The following PTPN21 variants were observed in gnomAD, a reference collection of about 807,000 sequenced individuals.
The protein encoded by PTPN21 is protein tyrosine phosphatase non-receptor type 21.
In PTPN21, 77 loss-of-function variants were observed where a neutral mutation model predicts 131.8. That is an observed-to-expected ratio of 0.58 (90% CI 0.49 to 0.71). The LOEUF (loss-of-function observed/expected upper bound fraction) is 0.71. PTPN21 is among the 30% of genes least tolerant of loss of function. The pLI, the probability that PTPN21 is intolerant of heterozygous loss-of-function variation, is 0.00. For synonymous variants in PTPN21, 715 were observed against 621.3 expected, an observed-to-expected ratio of 1.15 and a Z score of -2.24; for missense variants, 1,552 against 1,527.1, an observed-to-expected ratio of 1.02 and a Z score of -0.27.
chr14:88,480,392 A>T (rs1444058466), intron 12 of PTPN21, 40 bp from the exon 13 acceptor site: 15 of 1,463,832 alleles, frequency 1.0e-5, no homozygotes, highest in Non-Finnish European at 7.5e-6. Context: ...TTTTAAATGG[A>T]CTAATTACTC....
rs762189635 is a variant in PTPN21 at position 88,479,304 on chromosome 14, G to C, written c.2127C>G (p.His709Gln). 1.4e-5 allele frequency: 23 copies of C among 1,613,334 alleles called. No individual in the cohort carries two copies. The highest frequency in any genetic ancestry group is 1.9e-5 in the Non-Finnish European group (22 of 1,179,614). ...KSLSDATMLI[H>Q]SSEEEEDEDF... The stretch of plus-strand genomic sequence containing the variant: ...CCTCGTCCTCCTCCTCCTCGCTGCT[G>C]TGGATTAGCATGGTGGCGTCCGACA... The change falls in exon 13 of 19, where the codon CAC (histidine) becomes CAG (glutamine). Residue 709 changes from histidine to glutamine, a missense_variant. Physicochemically the swap from His to Gln is conservative, Grantham distance 24. Coordinates refer to ENST00000556564, the MANE Select transcript of PTPN21 (RefSeq NM_007039.4).
intron 10 of PTPN21, among the ~76,000 whole-genome samples, chr14:88,489,348 A>G (rs542291494): frequency 6.6e-6 from 1 of 152,338 alleles, no homozygotes; most frequent in South Asian, 2.1e-4. Flanking sequence ...AAGCTCATGC[A>G]CTAATAGATA....
Position 88,479,428 on chromosome 14 carries a change from G to A in PTPN21, c.2003C>T (p.Ala668Val). ...GCTGGGCTGGGAGCCCACCGAGACG[G>A]CTCGCGGCGCCACCTCTGCCGCCGA... ...SASAAEVAPRAVSVGSQPSVF... is the reference protein window; with the variant it reads ...SASAAEVAPRVVSVGSQPSVF... Residue 668 changes from alanine to valine, a missense_variant, in exon 13 of 19, where the codon GCC (alanine) becomes GTC (valine). Coordinates refer to ENST00000556564, the MANE Select transcript of PTPN21 (RefSeq NM_007039.4). The A allele has an allele frequency of 6.2e-7, 1 of 1,602,002 alleles. No individual in the cohort carries two copies. Among genetic ancestry groups the A allele is most frequent in the Non-Finnish European group, 8.5e-7 (1 of 1,178,440 alleles).
intron 2 of PTPN21, among the ~76,000 whole-genome samples, chr14:88,518,386 G>GTGTGTGTATATATATATATATA (rs1259300832): frequency 1.0e-4 from 1 of 9,706 alleles, no homozygotes; most frequent in Non-Finnish European, 2.2e-4. Context: ...GTGTGTGTGT[G>GTGTGTGTATATATATATATATA]TATATATATA....
chr14:88,554,903 G>A lies in PTPN21; in HGVS notation c.-455C>T, dbSNP rs3742681. Among the ~76,000 whole-genome samples the A allele has an allele frequency of 0.53, 81,007 of 151,498 alleles. 24,380 individuals are homozygous for A. Among genetic ancestry groups the A allele is most frequent in the Middle Eastern group, 0.7 (205 of 292 alleles). ...GTGGGACCGGCCGGCGAGGAGCGCC[G>A]CACAAAGAAGCCCCGTGGGGGCGGG... On this transcript the variant is annotated 5_prime_UTR_variant, in exon 1 of 19. Transcript: ENST00000556564.
In PTPN21 at chr14:88,506,100, T is replaced by C. The variant is rs144536649; in HGVS notation, c.449-729A>G. ...CACACCTATAATCCCAGCACTTCAG[T>C]AAGCCAAGGAGGGAGGATAGCTTGA... On this transcript the variant is annotated intron_variant, in intron 4 of 18. Transcript: ENST00000556564. Among the ~76,000 whole-genome samples, 259 of 152,202 alleles carry C rather than the reference T, an allele frequency of 1.7e-3. 1 individual carries two copies. The highest frequency in any genetic ancestry group is 5.7e-3 in the African/African-American group (237 of 41,540).
In PTPN21 at chr14:88,479,630, G is replaced by A; in HGVS notation, c.1801C>T (p.His601Tyr). Residue 601 changes from histidine (H) to tyrosine (Y), a missense_variant, in exon 13 of 19, where the codon CAC (histidine) becomes TAC (tyrosine). This residue lies in a region of PTPN21 where 1,016 missense variants were observed against 883.5 expected (regional missense o/e 1.15). Transcript: ENST00000556564. ...NPDLITRRVH[H>Y]SVQTFQEDSL... The stretch of plus-strand genomic sequence containing the variant: ...TCCTCCTGGAACGTTTGCACCGAGT[G>A]GTGCACGCGCCGCGTGATGAGGTCG... The A allele has an allele frequency of 6.4e-7, 1 of 1,571,958 alleles. No homozygotes were observed. Among genetic ancestry groups the A allele is most frequent in the Non-Finnish European group, 8.6e-7 (1 of 1,163,870 alleles).
chr14:88,526,885 T>G (rs1036339746), intron 2 of PTPN21, among the ~76,000 whole-genome samples: 1 of 152,170 alleles, frequency 6.6e-6, no homozygotes, highest in Non-Finnish European at 1.5e-5. Flanking sequence ...AGCTCCCACT[T>G]ACAAATGAGA....
At chr14:88,544,253 G>A (rs980171146) in intron 2 of PTPN21, among the ~76,000 whole-genome samples, 1 of 152,128 alleles carries the variant, frequency 6.6e-6, no homozygotes, top group Admixed American at 6.5e-5. Context: ...GCTGAGGTGA[G>A]AGAATCGCTT....
At chr14:88,547,604 G>T (rs111974048) in intron 2 of PTPN21, 18,894 of 452,710 alleles carry the variant, frequency 0.042, 558 homozygotes, top group South Asian at 0.078. Context: ...ATTGAGCTAT[G>T]ACGGTGCCAC....
intron 3 of PTPN21, among the ~76,000 whole-genome samples, chr14:88,514,476 T>C (rs1298865088): frequency 2.6e-5 from 4 of 151,494 alleles, no homozygotes; most frequent in Non-Finnish European, 4.4e-5. Context: ...TTTCTTTTTT[T>C]TTTTTGAGAC....
At chr14:88,526,871 G>A (rs1397938923) in intron 2 of PTPN21, among the ~76,000 whole-genome samples, 8 of 152,024 alleles carry the variant, frequency 5.3e-5, no homozygotes, top group African/African-American at 1.4e-4. Context: ...CATCCCCATA[G>A]CTTAGCTCCC....
Position 88,480,298 on chromosome 14 carries a change from A to C in PTPN21, c.1133T>G (p.Leu378Trp). The C allele has an allele frequency of 6.2e-7, 1 of 1,614,180 alleles. No homozygotes were observed. The stretch of plus-strand genomic sequence containing the variant: ...GTTGAGGTCAATCTGGGCTCTATCC[A>C]AGCTTGTCTGAGAGTGACAGTAGTA... Reference protein sequence around the residue: ...NGYYCHSQTSLDRAQIDLNGR... With the variant: ...NGYYCHSQTSWDRAQIDLNGR... The change falls in exon 13 of 19, where the codon TTG becomes TGG. Residue 378 changes from leucine (L) to tryptophan (W), a missense_variant. Leu to Trp is a moderately conservative substitution (Grantham distance 61). Transcript: ENST00000556564.
In PTPN21 at chr14:88,479,280, CTCG is replaced by C; in HGVS notation, c.2148_2150del (p.Asp716del). 6.2e-7 allele frequency: 1 copy of C among 1,613,066 alleles called. No individual in the cohort carries two copies. The highest frequency in any genetic ancestry group is 8.5e-7 in the Non-Finnish European group (1 of 1,179,356). On this transcript the variant is annotated inframe_deletion, in exon 13 of 19. Coordinates refer to ENST00000556564, the MANE Select transcript of PTPN21 (RefSeq NM_007039.4). ...GGGCCCCGCTCTCCTCCTCGAAGTC[CTCG>C]TCCTCCTCCTCCTCGCTGCTGTGGA...
chr14:88,483,633 AAC>A (rs2077686296), intron 12 of PTPN21, among the ~76,000 whole-genome samples: 1 of 152,056 alleles, frequency 6.6e-6, no homozygotes, highest in Non-Finnish European at 1.5e-5. Flanking sequence ...CTACTCTCCA[AAC>A]ACACCCTGCT....
intron 12 of PTPN21, among the ~76,000 whole-genome samples, chr14:88,483,088 TG>T (rs1232452679): frequency 6.6e-6 from 1 of 151,686 alleles, no homozygotes; most frequent in Non-Finnish European, 1.5e-5. Flanking sequence ...GGCGGGTGCC[TG>T]TAGTCCCAGC....
chr14:88,518,415 T>TATATATA (rs1285045246), intron 2 of PTPN21, among the ~76,000 whole-genome samples: 1 of 8,010 alleles, frequency 1.2e-4, no homozygotes, highest in Non-Finnish European at 2.7e-4. Context: ...TATATATATA[T>TATATATA]TTTTTTTTTT....
At chr14:88,486,886 G>A (rs2077741806) in intron 10 of PTPN21, among the ~76,000 whole-genome samples, 1 of 151,104 alleles carries the variant, frequency 6.6e-6, no homozygotes, top group Non-Finnish European at 1.5e-5. Context: ...TGAGGCAGGG[G>A]AGTCACTTGA....
At position 88,479,211 on chromosome 14, in the gene PTPN21, G is replaced by C. The variant is rs772065777; in HGVS notation, c.2220C>G (p.Ala740=). The C allele has an allele frequency of 6.9e-6, 11 of 1,595,134 alleles. No homozygotes were observed. The African/African-American group carries it at 9.4e-5, about 14-fold the overall frequency. The change falls in exon 13 of 19, where the codon GCC becomes GCG. Residue 740 remains alanine, a synonymous_variant. Transcript: ENST00000556564. ...CGCGAGGGCAGCCAGGTGGGTCCTG[G>C]GCCAGGCCGGGCCGAGGCTCGCGCG... ...ARAREPRPGL[A]QDPPGCPRVL...
Sources: gnomAD v4.1 joint callset for allele counts (sites outside exome capture counted in the v4.1 genomes callset) on GRCh38, gnomAD v4.1.1 for gene constraint, gnomAD v4.1.1 regional missense constraint, MANE v1.5 for transcripts, NCBI Gene and HGNC (gene_info 2026-07-23, HGNC 2026-07-21) for gene names.